FAM13B: variants seen among roughly 807,000 people sequenced by gnomAD.
FAM13B encodes protein FAM13B.
FAM13B carries 60 observed loss-of-function variants against 117.3 expected under a neutral mutation model. That is an observed-to-expected ratio of 0.51 (90% CI 0.42 to 0.63). FAM13B has a LOEUF of 0.63. Among genes scored for constraint, FAM13B ranks in the 30% least tolerant of loss-of-function variants. The pLI, the probability that FAM13B is intolerant of heterozygous loss-of-function variation, is 0.00. For synonymous variants in FAM13B, 332 were observed against 356.1 expected, an observed-to-expected ratio of 0.93 and a Z score of 0.76; for missense variants, 972 against 1,091.9, an observed-to-expected ratio of 0.89 and a Z score of 1.55.
intron 10 of FAM13B, among the ~76,000 whole-genome samples, chr5:137,967,112 GA>G (rs879492488): frequency 0.017 from 2,438 of 140,782 alleles, 32 homozygotes; most frequent in African/African-American, 0.045. Context: ...TTAAAAAAGG[GA>G]AAAAAAAAAA....
intron 1 of FAM13B, among the ~76,000 whole-genome samples, chr5:138,022,570 T>G (rs1324626248): frequency 1.3e-5 from 2 of 152,258 alleles, no homozygotes; most frequent in African/African-American, 4.8e-5. Context: ...CAAAACATCC[T>G]GAAATGCCTG....
intron 1 of FAM13B, among the ~76,000 whole-genome samples, chr5:138,044,566 AAAC>A (rs1791590767): frequency 6.6e-6 from 1 of 151,922 alleles, no homozygotes; most frequent in Non-Finnish European, 1.5e-5. Flanking sequence ...AAAAAAAAAA[AAAC>A]GGATAATATA....
chr5:138,037,070 C>T, upstream of FAM13B: 1 of 46,370 alleles, frequency 2.2e-5, no homozygotes, highest in Non-Finnish European at 4.3e-5. Flanking sequence ...AAAATTACAT[C>T]ACTTTTTCTT....
rs190943267 is a variant in FAM13B at position 138,011,157 on chromosome 5, T to C, written c.549-8A>G. Reference sequence around the variant, plus strand: ...TCCACATCTGTGTAAATGCTAAGAATAGAAGTCCAAATTGAATTGAGAGTT... The same window carrying C: ...TCCACATCTGTGTAAATGCTAAGAACAGAAGTCCAAATTGAATTGAGAGTT... On this transcript the variant is annotated splice_polypyrimidine_tract_variant and splice_region_variant and intron_variant, in intron 5 of 23. Coordinates refer to ENST00000689681, the MANE Select transcript of FAM13B (RefSeq NM_001385994.1). 5 of 1,594,220 alleles carry C rather than the reference T, an allele frequency of 3.1e-6. No individual in the cohort carries two copies. In the East Asian group the frequency reaches 6.9e-5, roughly 22 times the overall value.
In FAM13B at chr5:137,966,478, T is replaced by TAGAGAGAG. The variant is rs1203765238; in HGVS notation, c.1180-4010_1180-4009insCTCTCTCT. 1.1e-4 allele frequency among the ~76,000 whole-genome samples: 7 copies of TAGAGAGAG among 64,412 alleles called. No individual in the cohort carries two copies. The East Asian group carries it at 1.5e-3, about 14-fold the overall frequency. 42.3% of individuals were successfully genotyped at this position (64,412 alleles called of 152,430 possible). A position where few individuals can be genotyped will look rare whatever the true frequency, so the allele number is the denominator to read the frequency against. On this transcript the variant is annotated intron_variant, in intron 10 of 23. Coordinates refer to ENST00000689681, the MANE Select transcript of FAM13B (RefSeq NM_001385994.1). ...TAGATTTTATATATATATATATATA[T>TAGAGAGAG]ATATATATATAGAGAGAGAGAGAGA...
chr5:137,985,059 A>G (rs1356929544), intron 10 of FAM13B, among the ~76,000 whole-genome samples, 198 bp downstream of exon 10: 16 of 152,148 alleles, frequency 1.1e-4, no homozygotes, highest in East Asian at 5.8e-4. Context: ...GTGAGCCACC[A>G]CACCCAGCCA....
chr5:138,016,619 G>A (rs1174121981), intron 4 of FAM13B, among the ~76,000 whole-genome samples: 2 of 152,090 alleles, frequency 1.3e-5, no homozygotes. Flanking sequence ...GGGCGACAGA[G>A]CAAGGACATT....
chr5:137,952,771 G>A, intron 16 of FAM13B, 62 bp from the exon 17 acceptor site: 1 of 962,712 alleles, frequency 1.0e-6, no homozygotes, highest in Non-Finnish European at 1.6e-6. Context: ...ATTAATTTAT[G>A]TCCAAATAGT....
chr5:137,946,123 G>C (rs2150149858), intron 19 of FAM13B, 105 bp downstream of exon 19: 1 of 1,248,114 alleles, frequency 8.0e-7, no homozygotes, highest in Non-Finnish European at 1.1e-6. Context: ...CCCAATTGTA[G>C]GAAATAATGC....
At chr5:137,972,489 C>T (rs1322539062) in intron 10 of FAM13B, among the ~76,000 whole-genome samples, 1 of 150,640 alleles carries the variant, frequency 6.6e-6, no homozygotes, top group Non-Finnish European at 1.5e-5. Context: ...TATGACAAAC[C>T]CACAGCCAAT....
At chr5:138,033,104 T>G, upstream of FAM13B, 1 of 887,800 alleles carries the variant, frequency 1.1e-6, no homozygotes, top group Non-Finnish European at 1.3e-6. Flanking sequence ...GGGCCGGACG[T>G]GACGTGCGTG....
intron 7 of FAM13B, among the ~76,000 whole-genome samples, chr5:138,005,346 C>T (rs1268578455): frequency 3.9e-5 from 6 of 152,070 alleles, no homozygotes; most frequent in East Asian, 1.9e-4. Flanking sequence ...AACTGGGTCA[C>T]GTCCTTTAAG....
At chr5:138,013,285 AG>A (rs1228643960) in intron 4 of FAM13B, among the ~76,000 whole-genome samples, 1 of 152,160 alleles carries the variant, frequency 6.6e-6, no homozygotes, top group Admixed American at 6.6e-5. Flanking sequence ...GTGGATCATA[AG>A]GTCAGGAGAT....
chr5:137,991,036 C>G (rs1367184839), intron 7 of FAM13B, among the ~76,000 whole-genome samples: 1 of 152,014 alleles, frequency 6.6e-6, no homozygotes, highest in Non-Finnish European at 1.5e-5. Context: ...CACAATTTAT[C>G]CTAGATACAA....
intron 7 of FAM13B, among the ~76,000 whole-genome samples, chr5:137,999,908 A>G (rs1008958384): frequency 6.6e-6 from 1 of 152,130 alleles, no homozygotes; most frequent in African/African-American, 2.4e-5. Flanking sequence ...ATAACCTCCC[A>G]AAGGCCCCAC....
chr5:138,012,215 T>TA (rs1449560663), intron 4 of FAM13B, among the ~76,000 whole-genome samples: 5 of 76,810 alleles, frequency 6.5e-5, no homozygotes, highest in African/African-American at 2.4e-4. Context: ...GCCCCAATTC[T>TA]CTTTTTTTTT....
At chr5:138,007,860 T>C (rs879733704) in intron 6 of FAM13B, among the ~76,000 whole-genome samples, 18 of 152,334 alleles carry the variant, frequency 1.2e-4, no homozygotes, top group Middle Eastern at 6.8e-3. Context: ...TTTTAAGTTA[T>C]CCCAAAGAAG....
chr5:138,016,383 G>A (rs1410097904), intron 4 of FAM13B, among the ~76,000 whole-genome samples: 2 of 152,222 alleles, frequency 1.3e-5, no homozygotes, highest in African/African-American at 2.4e-5. Context: ...GAGACAGTTT[G>A]GGAAACTGAG....
chr5:138,007,135 A>C lies in FAM13B; in HGVS notation c.703T>G (p.Ser235Ala). The change falls in exon 7 of 24, where the codon TCT becomes GCT. Residue 235 changes from serine (S) to alanine (A), a missense_variant. Ser to Ala is a moderately conservative substitution (Grantham distance 99). Coordinates refer to ENST00000689681, the MANE Select transcript of FAM13B (RefSeq NM_001385994.1). ...TTTTCATCTTCCTCTTCTTCCTCAG[A>C]AAGTTCATTAACCTATATAAATAAA... ...SSITEQVNELSEEEEEDEKLE... is the reference protein window; with the variant it reads ...SSITEQVNELAEEEEEDEKLE... The C allele has an allele frequency of 6.2e-7, 1 of 1,608,086 alleles. No individual in the cohort carries two copies. The highest frequency in any genetic ancestry group is 1.1e-5 in the South Asian group (1 of 89,746).
Sources: gnomAD v4.1 joint callset for allele counts (sites outside exome capture counted in the v4.1 genomes callset) on GRCh38, gnomAD v4.1.1 for gene constraint, MANE v1.5 for transcripts, NCBI Gene and HGNC (gene_info 2026-07-23, HGNC 2026-07-21) for gene names.